RIOK1: variants seen among roughly 807,000 people sequenced by gnomAD.
RIOK1 encodes RIO kinase 1, also known as serine/threonine-protein kinase RIO1.
Under a neutral mutation model 73.5 loss-of-function variants are expected in RIOK1, and 66 were observed. The ratio of observed to expected loss-of-function variants is 0.90; its 90% CI spans 0.74 to 1.10. The LOEUF (loss-of-function observed/expected upper bound fraction) is 1.10. RIOK1 is among the 50% of genes least tolerant of loss of function. The pLI is 0.00. For missense variants in RIOK1, 658 were observed against 699.8 expected (o/e 0.94, Z 0.67); for synonymous variants, 224 against 226.8 (o/e 0.99, Z 0.11).
intron 15 of RIOK1, among the ~76,000 whole-genome samples, chr6:7,413,179 G>A (rs1761927494): frequency 6.6e-6 from 1 of 152,104 alleles, no homozygotes; most frequent in East Asian, 1.9e-4. Flanking sequence ...TTCTGTCTCT[G>A]AATTGTTCAG....
At chr6:7,392,530 T>A (rs959952625) in intron 1 of RIOK1, among the ~76,000 whole-genome samples, 3 of 151,770 alleles carry the variant, frequency 2.0e-5, no homozygotes, top group East Asian at 1.9e-4. Flanking sequence ...TTTTTTTTTT[T>A]AATTACAATT....
At chr6:7,410,288 C>A in intron 12 of RIOK1, 98 bp from the exon 13 acceptor site, 1 of 811,684 alleles carries the variant, frequency 1.2e-6, no homozygotes, top group Non-Finnish European at 2.1e-6. Context: ...GGAGGTGATA[C>A]TTAAAAAGAC....
intron 12 of RIOK1, among the ~76,000 whole-genome samples, chr6:7,409,380 A>G (rs1761832086): frequency 6.6e-6 from 1 of 152,022 alleles, no homozygotes; most frequent in Non-Finnish European, 1.5e-5. Flanking sequence ...TCAGCCTCCA[A>G]GTAACTGAGA....
In RIOK1 at chr6:7,414,455, G is replaced by T. The variant is rs1235523934; in HGVS notation, c.1596+65G>T. On this transcript the variant is annotated intron_variant, in intron 16 of 16. Coordinates refer to ENST00000379834, the MANE Select transcript of RIOK1 (RefSeq NM_031480.3). Reference sequence around the variant, plus strand: ...AGCACAGCCGCTCTTATTTCTCTTTGCTCAAGGATCTAGCTAGATTATGAT... The same window carrying T: ...AGCACAGCCGCTCTTATTTCTCTTTTCTCAAGGATCTAGCTAGATTATGAT... 8 of 1,411,152 alleles carry T rather than the reference G, an allele frequency of 5.7e-6. No homozygotes were observed. In the Admixed American group the frequency reaches 1.8e-4, roughly 32 times the overall value. 87.4% of individuals were successfully genotyped at this position (1,411,152 alleles called of 1,614,324 possible). A position where few individuals can be genotyped will look rare whatever the true frequency, so the allele number is the denominator to read the frequency against.
chr6:7,411,649 C>A, intron 14 of RIOK1, 198 bp downstream of exon 14: 1 of 519,376 alleles, frequency 1.9e-6, no homozygotes, highest in Non-Finnish European at 3.4e-6. Flanking sequence ...GAGGAGGTAA[C>A]ACATTTGAAT....
chr6:7,411,293 A>G (rs1761876924), intron 13 of RIOK1, 39 bp from the exon 14 acceptor site: 1 of 1,607,846 alleles, frequency 6.2e-7, no homozygotes, highest in Non-Finnish European at 8.5e-7. Flanking sequence ...TGAGAAGTGT[A>G]TGAATAACAG....
Position 7,404,472 on chromosome 6 carries a change from G to C in RIOK1, c.909G>C (p.Leu303Phe), listed in dbSNP as rs755682677. 2 of 1,614,026 alleles carry C rather than the reference G, an allele frequency of 1.2e-6. No homozygotes were observed. Among genetic ancestry groups the C allele is most frequent in the Non-Finnish European group, 1.7e-6 (2 of 1,180,012 alleles). ...VQLSESKARE[L>F]YLQVIQYMRR... ...TATCAGAATCCAAGGCTCGGGAGTT[G>C]TACCTGCAGGTCATTCAGTACATGA... The change falls in exon 10 of 17, where the codon TTG becomes TTC. Residue 303 changes from leucine (L) to phenylalanine (F), a missense_variant. Leu to Phe is a conservative substitution (Grantham distance 22). Coordinates refer to ENST00000379834, the MANE Select transcript of RIOK1 (RefSeq NM_031480.3).
chr6:7,399,777 G>A (rs1581714104), intron 5 of RIOK1, among the ~76,000 whole-genome samples: 1 of 152,224 alleles, frequency 6.6e-6, no homozygotes, highest in East Asian at 1.9e-4. Context: ...TACCTGTGCA[G>A]TAGAGAAGAA....
intron 6 of RIOK1, among the ~76,000 whole-genome samples, chr6:7,401,578 T>G (rs1761613917): frequency 6.6e-6 from 1 of 151,428 alleles, no homozygotes; most frequent in Admixed American, 6.6e-5. Flanking sequence ...CTGTTTTTGT[T>G]TTTTTTTTAA....
At chr6:7,394,887 C>A in intron 2 of RIOK1, 166 bp from the exon 3 acceptor site, 1 of 956,478 alleles carries the variant, frequency 1.0e-6, no homozygotes. Context: ...GTTTCAAATG[C>A]TCTTTAAAAA....
rs1412429262 is a variant in RIOK1, at chr6:7,393,105, CAG to C, written c.82_83del (p.Asp28LeufsTer9). The C allele has an allele frequency of 2.5e-6, 4 of 1,612,538 alleles. No individual in the cohort carries two copies. Among genetic ancestry groups the C allele is most frequent in the Non-Finnish European group, 3.4e-6 (4 of 1,178,880 alleles). On this transcript the variant is annotated frameshift_variant, in exon 2 of 17. Coordinates refer to ENST00000379834, the MANE Select transcript of RIOK1 (RefSeq NM_031480.3). LOFTEE classifies it high-confidence loss of function. Reference sequence around the variant, plus strand: ...AAAACATTGTTATTTCTAGTGAAAACAGAGACTTGAAGACAGTCAAAGAGAAG... The same window carrying C: ...AAAACATTGTTATTTCTAGTGAAAACAGACTTGAAGACAGTCAAAGAGAAG... The part of the protein sequence containing the change: ...DDADSSDSEN[R>X]DLKTVKEKDD...
At chr6:7,412,664 A>C (rs882457) in intron 14 of RIOK1, among the ~76,000 whole-genome samples, 1,532 of 152,056 alleles carry the variant, frequency 0.01, 21 homozygotes, top group African/African-American at 0.035. Context: ...AAAAAAAAAA[A>C]AACAACTACC....
At chr6:7,413,819 T>G (rs1430532747) in intron 15 of RIOK1, among the ~76,000 whole-genome samples, 1 of 152,220 alleles carries the variant, frequency 6.6e-6, no homozygotes, top group Non-Finnish European at 1.5e-5. Context: ...CACATATTGT[T>G]TTCCCTCCCA....
chr6:7,405,284 G>C lies in RIOK1; in HGVS notation c.1132G>C (p.Val378Leu). ...GAGGCACAGTGTTGCTGTCATGACT[G>C]TGCGGGAGCTCTTTGAATTTGTCAC... ...FMRHSVAVMT[V>L]RELFEFVTDP... The change falls in exon 12 of 17, where the codon GTG (valine) becomes CTG (leucine). Residue 378 changes from valine to leucine, a missense_variant. By Grantham distance (32) the Val-to-Leu change is conservative. Transcript: ENST00000379834. The C allele has an allele frequency of 1.9e-6, 3 of 1,613,290 alleles. No homozygotes were observed. In the African/African-American group the frequency reaches 4.0e-5, roughly 22 times the overall value.
rs564968374 is a variant in RIOK1, at chr6:7,402,066, A to G, written c.574-537A>G. ...TGAAACCACTTCTCCCCTATATTTA[A>G]ATTGGATTTTACTGTACAGTCTTGC... On this transcript the variant is annotated intron_variant, in intron 6 of 16. Coordinates refer to ENST00000379834, the MANE Select transcript of RIOK1 (RefSeq NM_031480.3). Among the ~76,000 whole-genome samples the G allele has an allele frequency of 6.0e-4, 91 of 152,272 alleles. 3 individuals are homozygous for G. Among genetic ancestry groups the G allele is most frequent in the Middle Eastern group, 6.8e-3 (2 of 294 alleles).
chr6:7,401,576 G>GT (rs199719201), intron 6 of RIOK1, among the ~76,000 whole-genome samples: 69 of 140,518 alleles, frequency 4.9e-4, no homozygotes, highest in South Asian at 2.5e-3. Context: ...TTCTGTTTTT[G>GT]TTTTTTTTTT....
At chr6:7,396,150 A>G (rs1761468141) in intron 3 of RIOK1, among the ~76,000 whole-genome samples, 1 of 152,204 alleles carries the variant, frequency 6.6e-6, no homozygotes, top group South Asian at 2.1e-4. Context: ...AGGCATCAGA[A>G]TGTTAATTTG....
chr6:7,405,465 T>G, intron 12 of RIOK1, 110 bp downstream of exon 12: 2 of 656,304 alleles, frequency 3.0e-6, no homozygotes, highest in Admixed American at 2.8e-5. Context: ...TTTTCCAGTT[T>G]TGAAATATCT....
chr6:7,394,445 A>C (rs1313708904), intron 2 of RIOK1, among the ~76,000 whole-genome samples: 1 of 152,206 alleles, frequency 6.6e-6, no homozygotes, highest in Admixed American at 6.5e-5. Context: ...AAAAAACAAC[A>C]ACAATAAAAT....
Sources: gnomAD v4.1 joint callset for allele counts (sites outside exome capture counted in the v4.1 genomes callset) on GRCh38, gnomAD v4.1.1 for gene constraint, MANE v1.5 for transcripts, NCBI Gene and HGNC (gene_info 2026-07-23, HGNC 2026-07-21) for gene names.